IQSEC1: variants seen among roughly 807,000 people sequenced by gnomAD.
The protein encoded by IQSEC1 is IQ motif and Sec7 domain ArfGEF 1.
In IQSEC1, 31 loss-of-function variants were observed where a neutral mutation model predicts 91.0. The ratio of observed to expected loss-of-function variants is 0.34; its 90% CI spans 0.26 to 0.46. IQSEC1 has a LOEUF of 0.46. Ranked by LOEUF, IQSEC1 falls within the 20% of genes least tolerant of loss-of-function variation. The probability of loss-of-function intolerance (pLI) is 1.00; values close to 1 mark genes in which losing one functional copy is unlikely to be tolerated. For synonymous variants in IQSEC1, 699 were observed against 662.6 expected (o/e 1.05, Z -0.84); for missense variants, 1,388 against 1,575.6 (o/e 0.88, Z 2.02).
intron 1 of IQSEC1, among the ~76,000 whole-genome samples, chr3:12,982,400 T>C (rs765881617): frequency 1.3e-5 from 2 of 152,234 alleles, no homozygotes; most frequent in African/African-American, 2.4e-5. Flanking sequence ...AAAGCCTCAG[T>C]CTATCCACCA....
At chr3:13,121,657 A>T (rs1007991626) in intron 2 of IQSEC1, among the ~76,000 whole-genome samples, 2 of 152,214 alleles carry the variant, frequency 1.3e-5, no homozygotes, top group Non-Finnish European at 2.9e-5. Context: ...GACCAAGGCC[A>T]GCGCTGGGGG....
intron 1 of IQSEC1, among the ~76,000 whole-genome samples, chr3:13,063,254 A>G (rs1705129161): frequency 6.6e-6 from 1 of 152,276 alleles, no homozygotes; most frequent in African/African-American, 2.4e-5. Flanking sequence ...AACCAGTGAC[A>G]AGTCAATTCA....
At chr3:13,039,563 C>T (rs1352377659) in intron 1 of IQSEC1, among the ~76,000 whole-genome samples, 1 of 152,222 alleles carries the variant, frequency 6.6e-6, no homozygotes, top group African/African-American at 2.4e-5. Flanking sequence ...CAGCCGCTTG[C>T]AAAGCCTCTA....
intron 2 of IQSEC1, among the ~76,000 whole-genome samples, chr3:13,128,553 T>C (rs922068201): frequency 6.6e-6 from 1 of 152,208 alleles, no homozygotes; most frequent in Non-Finnish European, 1.5e-5. Flanking sequence ...GGATTAGATA[T>C]GCAAATATTT....
intron 7 of IQSEC1, 98 bp downstream of exon 7, chr3:12,915,496 G>C (rs1695992858): frequency 1.5e-6 from 2 of 1,320,936 alleles, no homozygotes; most frequent in Non-Finnish European, 2.1e-6. Flanking sequence ...TGCTGGAAGA[G>C]ACCACACGGA....
chr3:12,933,840 A>G (rs1003585443), intron 3 of IQSEC1, among the ~76,000 whole-genome samples: 1 of 152,268 alleles, frequency 6.6e-6, no homozygotes, highest in Admixed American at 6.5e-5. Flanking sequence ...TTCTGTGAAG[A>G]ATGTATTCAC....
In IQSEC1 at chr3:13,259,198, C is replaced by A. The variant is rs771668022; in HGVS notation, c.272+23513G>T. Among the ~76,000 whole-genome samples the A allele has an allele frequency of 4.6e-5, 7 of 152,216 alleles. No homozygotes were observed. The highest frequency in any genetic ancestry group is 7.3e-5 in the Non-Finnish European group (5 of 68,038). ...CCTCCACCACCCTCTGCCATGCAGGCCCTGGGACGGGACAGTTTCCACTGG... is the reference window on the plus strand; with the variant it reads ...CCTCCACCACCCTCTGCCATGCAGGACCTGGGACGGGACAGTTTCCACTGG... On this transcript the variant is annotated intron_variant, in intron 1 of 15. Transcript: ENST00000648114. This position sits in a 1 kb window ranked among gnomAD's most constrained non-coding sequence, Gnocchi z 4.6.
rs1698160701 is a variant in IQSEC1 at position 12,936,058 on chromosome 3, G to A, written c.958C>T (p.Leu320=). 1.2e-6 allele frequency: 2 copies of A among 1,606,258 alleles called. No individual in the cohort carries two copies. The highest frequency in any genetic ancestry group is 2.2e-5 in the East Asian group (1 of 44,866). The change falls in exon 3 of 14, where the codon CTA becomes TTA. Residue 320 remains leucine (L), a synonymous_variant. Coordinates refer to ENST00000613206, the MANE Select transcript of IQSEC1 (RefSeq NM_001134382.3). ...RPSSTESDLR[L]RAGGAAPDYW... is the part of the protein sequence containing the mutation. ...TCTGGGGCTGCGCCCCCAGCCCGTAGCCGCAGGTCCGACTCGGTGCTGGAC... is the reference window on the plus strand; with the variant it reads ...TCTGGGGCTGCGCCCCCAGCCCGTAACCGCAGGTCCGACTCGGTGCTGGAC...
At chr3:13,080,757 C>T (rs1705635538) in intron 2 of IQSEC1, among the ~76,000 whole-genome samples, 2 of 152,160 alleles carry the variant, frequency 1.3e-5, no homozygotes, top group African/African-American at 4.8e-5. Context: ...CTGGGCTGTG[C>T]TCCCCAGCCC....
chr3:13,124,462 A>G (rs1047708478), intron 2 of IQSEC1, among the ~76,000 whole-genome samples: 6 of 152,224 alleles, frequency 3.9e-5, no homozygotes, highest in African/African-American at 1.4e-4. Flanking sequence ...AAGGCGGTCC[A>G]TGGATCTCTA....
intron 1 of IQSEC1, among the ~76,000 whole-genome samples, chr3:13,221,561 A>G (rs1034218808): frequency 2.5e-5 from 3 of 119,776 alleles, no homozygotes; most frequent in Admixed American, 8.8e-5. Context: ...CCGCCTGGCC[A>G]AGGAGGCCCT....
chr3:13,235,382 G>T (rs557540946), intron 1 of IQSEC1, among the ~76,000 whole-genome samples: 1 of 152,218 alleles, frequency 6.6e-6, no homozygotes, highest in African/African-American at 2.4e-5. Context: ...GGCCCCGGGG[G>T]ACCTGCAGGC....
At chr3:12,921,724 T>A (rs1471776155) in intron 5 of IQSEC1, among the ~76,000 whole-genome samples, 1 of 152,198 alleles carries the variant, frequency 6.6e-6, no homozygotes, top group Non-Finnish European at 1.5e-5. Context: ...TCCGAGTCAC[T>A]GTGAATGAGC....
chr3:13,194,998 G>A (rs879058672), intron 1 of IQSEC1, among the ~76,000 whole-genome samples: 2 of 152,180 alleles, frequency 1.3e-5, no homozygotes, highest in Non-Finnish European at 2.9e-5. Flanking sequence ...CAGGAAGTTG[G>A]ACCTCAGCAA....
At chr3:12,913,613 G>A in intron 8 of IQSEC1, 60 bp from the exon 9 acceptor site, 1 of 1,549,748 alleles carries the variant, frequency 6.5e-7, no homozygotes. Flanking sequence ...AGCCCTGGGG[G>A]CCGCAGTGGA....
At chr3:13,090,944 GGACAGCACTGGAA>G (rs1705849828) in intron 2 of IQSEC1, among the ~76,000 whole-genome samples, 1 of 152,164 alleles carries the variant, frequency 6.6e-6, no homozygotes, top group African/African-American at 2.4e-5. Context: ...CCAGCCGCGG[GGACAGCACTGGAA>G]GACTGCACGG....
At chr3:13,151,342 T>C (rs1390550193) in intron 2 of IQSEC1, among the ~76,000 whole-genome samples, 2 of 152,092 alleles carry the variant, frequency 1.3e-5, no homozygotes, top group Non-Finnish European at 2.9e-5. Context: ...GTCAGACAGA[T>C]TGCATTGTGT....
chr3:13,208,386 G>A (rs1207719170), intron 1 of IQSEC1, among the ~76,000 whole-genome samples: 1 of 152,046 alleles, frequency 6.6e-6, no homozygotes, highest in Non-Finnish European at 1.5e-5. Flanking sequence ...TGCTCTAAGA[G>A]CCTTAGCTCA....
chr3:13,231,194 G>A (rs571579408), intron 1 of IQSEC1, among the ~76,000 whole-genome samples: 67 of 152,290 alleles, frequency 4.4e-4, no homozygotes, highest in African/African-American at 1.6e-3. Flanking sequence ...TTATTTTGAT[G>A]CAAAAAATTT....
Sources: gnomAD v4.1 joint callset for allele counts (sites outside exome capture counted in the v4.1 genomes callset) on GRCh38, gnomAD v4.1.1 for gene constraint, Gnocchi (gnomAD v3.1) non-coding constraint, MANE v1.5 for transcripts, NCBI Gene and HGNC (gene_info 2026-07-23, HGNC 2026-07-21) for gene names.